Variants in KCNMB2 observed in about 807,000 individuals in gnomAD.
KCNMB2 encodes potassium calcium-activated channel subfamily M regulatory beta subunit 2.
KCNMB2 carries 9 observed loss-of-function variants against 24.5 expected under a neutral mutation model. The observed-to-expected ratio is 0.37, with a 90% CI of 0.22 to 0.64. The LOEUF is 0.64. KCNMB2 is among the 30% of genes least tolerant of loss of function. KCNMB2 has a pLI of 0.63. For missense variants in KCNMB2, 226 were observed against 284.3 expected (o/e 0.79, Z 1.47); for synonymous variants, 109 against 104.4 (o/e 1.04, Z -0.27).
At chr3:178,697,950 G>C (rs376946708) in intron 1 of KCNMB2, among the ~76,000 whole-genome samples, 2 of 151,940 alleles carry the variant, frequency 1.3e-5, no homozygotes, top group South Asian at 4.2e-4. Context: ...CTATCTTACA[G>C]GGTTTCAGCT....
chr3:178,552,668 T>A (rs550511111), intron 1 of KCNMB2, among the ~76,000 whole-genome samples: 1 of 152,236 alleles, frequency 6.6e-6, no homozygotes, highest in African/African-American at 2.4e-5. Flanking sequence ...TTGTTAAATA[T>A]ATATTTGTAA....
chr3:178,693,752 G>A (rs965686609), intron 1 of KCNMB2, among the ~76,000 whole-genome samples: 1 of 152,106 alleles, frequency 6.6e-6, no homozygotes, highest in Non-Finnish European at 1.5e-5. Context: ...GATGATGCTG[G>A]CCTCCTACAA....
intron 1 of KCNMB2, among the ~76,000 whole-genome samples, chr3:178,605,479 T>A (rs1187626260): frequency 6.6e-6 from 1 of 152,068 alleles, no homozygotes; most frequent in Non-Finnish European, 1.5e-5. Flanking sequence ...GGATAAAGGG[T>A]GGAGGCTGAA....
chr3:178,575,801 T>C (rs1000916610), intron 1 of KCNMB2, among the ~76,000 whole-genome samples: 4 of 152,180 alleles, frequency 2.6e-5, no homozygotes, highest in Non-Finnish European at 5.9e-5. Context: ...TTGAACTTTA[T>C]AGGGAAAAAA....
At chr3:178,699,939 A>G (rs866862302) in intron 1 of KCNMB2, among the ~76,000 whole-genome samples, 10 of 152,192 alleles carry the variant, frequency 6.6e-5, no homozygotes, top group African/African-American at 2.4e-4. Flanking sequence ...CTCCTTGCCA[A>G]TTGAACTCAC....
intron 1 of KCNMB2, among the ~76,000 whole-genome samples, chr3:178,613,148 G>A (rs577732235): frequency 2.0e-5 from 3 of 152,154 alleles, no homozygotes; most frequent in South Asian, 2.1e-4. Flanking sequence ...CTGTAATCCC[G>A]GCACTTTGGG....
chr3:178,833,653 A>G (rs1221272961), intron 4 of KCNMB2, among the ~76,000 whole-genome samples: 3 of 152,162 alleles, frequency 2.0e-5, no homozygotes, highest in Admixed American at 1.3e-4. Context: ...GAGATACATC[A>G]GGCGCTACTG....
At position 178,815,120 on chromosome 3, in the gene KCNMB2, C is replaced by T. The variant is rs139987440; in HGVS notation, c.56+7655C>T. On this transcript the variant is annotated intron_variant, in intron 2 of 4. Coordinates refer to ENST00000452583, the MANE Select transcript of KCNMB2 (RefSeq NM_181361.3). ...TATCACTTTGGTTTCAGCAACTATA[C>T]TAGTTTTTGTTTGTTTTTTGTTTTG... Among the ~76,000 whole-genome samples, 11 of 152,020 alleles carry T rather than the reference C, an allele frequency of 7.2e-5. No homozygotes were observed. In the East Asian group the frequency reaches 7.7e-4, roughly 11 times the overall value.
At chr3:178,751,111 A>G (rs1723831497) in intron 1 of KCNMB2, among the ~76,000 whole-genome samples, 1 of 152,190 alleles carries the variant, frequency 6.6e-6, no homozygotes, top group Non-Finnish European at 1.5e-5. Flanking sequence ...GAAGCCATTC[A>G]CTTATTCCCC....
chr3:178,780,883 A>G (rs1482090951), intron 1 of KCNMB2, among the ~76,000 whole-genome samples: 5 of 152,216 alleles, frequency 3.3e-5, no homozygotes, highest in Admixed American at 2.6e-4. Flanking sequence ...TTGACATTTT[A>G]TTATTGCTAA....
intron 1 of KCNMB2, among the ~76,000 whole-genome samples, chr3:178,582,135 G>A (rs367856474): frequency 2.6e-4 from 40 of 152,262 alleles, no homozygotes; most frequent in African/African-American, 8.7e-4. Context: ...TGATAGACTG[G>A]ATAAAGAAAA....
At chr3:178,713,980 A>T (rs1190330495) in intron 1 of KCNMB2, among the ~76,000 whole-genome samples, 2 of 152,196 alleles carry the variant, frequency 1.3e-5, no homozygotes, top group African/African-American at 4.8e-5. Flanking sequence ...TTCTGCTTGC[A>T]TATAAAAATA....
chr3:178,719,769 G>A (rs1214755365), intron 1 of KCNMB2, among the ~76,000 whole-genome samples: 1 of 151,774 alleles, frequency 6.6e-6, no homozygotes, highest in East Asian at 1.9e-4. Context: ...TTTGGTGTTT[G>A]ATTCTGTACA....
chr3:178,580,995 T>C (rs183020027), intron 1 of KCNMB2, among the ~76,000 whole-genome samples: 55 of 152,272 alleles, frequency 3.6e-4, no homozygotes. Context: ...ACTGACTTTC[T>C]TCACAGAATT....
chr3:178,753,168 G>A (rs967848624), intron 1 of KCNMB2, among the ~76,000 whole-genome samples: 1 of 152,236 alleles, frequency 6.6e-6, no homozygotes, highest in South Asian at 2.1e-4. Context: ...TGGCAGTCAT[G>A]TAGTGATAGT....
intron 1 of KCNMB2, among the ~76,000 whole-genome samples, chr3:178,574,372 C>G (rs150407448): frequency 6.6e-6 from 1 of 152,308 alleles, no homozygotes; most frequent in East Asian, 1.9e-4. Context: ...GAGCCTTATT[C>G]CTTCCGGACA....
In KCNMB2 at chr3:178,842,830, T is replaced by C; in HGVS notation, c.601T>C (p.Phe201Leu). The C allele has an allele frequency of 6.2e-7, 1 of 1,613,988 alleles. No homozygotes were observed. Among genetic ancestry groups the C allele is most frequent in the Non-Finnish European group, 8.5e-7 (1 of 1,179,868 alleles). ...TTCCAACGTGCTGTTCCATTCACTC[T>C]TCTGGCCAACCTGTATGATGGCTGG... is the stretch of plus-strand genomic sequence containing the variant. ...YSSNVLFHSL[F>L]WPTCMMAGGV... The change falls in exon 5 of 5, where the codon TTC becomes CTC. Residue 201 changes from phenylalanine (F) to leucine (L), a missense_variant. By Grantham distance (22) the Phe-to-Leu change is conservative (BLOSUM62 0). Transcript: ENST00000452583.
intron 1 of KCNMB2, among the ~76,000 whole-genome samples, chr3:178,777,599 A>G (rs1180380303): frequency 6.6e-6 from 1 of 152,220 alleles, no homozygotes; most frequent in Non-Finnish European, 1.5e-5. Flanking sequence ...ATGTCTAACA[A>G]TAAGAGGGTT....
intron 1 of KCNMB2, among the ~76,000 whole-genome samples, chr3:178,733,532 G>C (rs1273446455): frequency 6.6e-6 from 1 of 152,030 alleles, no homozygotes; most frequent in African/African-American, 2.4e-5. Flanking sequence ...CCAGGCTGGA[G>C]GGCAATGGCA....
Sources: gnomAD v4.1 joint callset for allele counts (sites outside exome capture counted in the v4.1 genomes callset) on GRCh38, gnomAD v4.1.1 for gene constraint, MANE v1.5 for transcripts, NCBI Gene and HGNC (gene_info 2026-07-23, HGNC 2026-07-21) for gene names.